Variants in TPD52L1 observed in about 807,000 individuals in gnomAD.
The protein encoded by TPD52L1 is TPD52 like 1.
In TPD52L1, 18 loss-of-function variants were observed where a neutral mutation model predicts 28.7. That is an observed-to-expected ratio of 0.63 (90% CI 0.43 to 0.93). TPD52L1 has a LOEUF of 0.93. Ranked by LOEUF, TPD52L1 falls within the 40% of genes least tolerant of loss-of-function variation. The pLI, the probability that TPD52L1 is intolerant of heterozygous loss-of-function variation, is 0.00. For synonymous variants in TPD52L1, 75 were observed against 88.8 expected, an observed-to-expected ratio of 0.84 and a Z score of 0.88; for missense variants, 203 against 254.8, an observed-to-expected ratio of 0.80 and a Z score of 1.39.
chr6:125,222,255 T>C (rs1021674033), intron 2 of TPD52L1, among the ~76,000 whole-genome samples: 1 of 152,234 alleles, frequency 6.6e-6, no homozygotes, highest in Non-Finnish European at 1.5e-5. Context: ...GCTGGCCTTA[T>C]GAAGAACTGA....
intron 1 of TPD52L1, among the ~76,000 whole-genome samples, chr6:125,172,550 A>ATG (rs1384586820): frequency 3.3e-5 from 3 of 90,872 alleles, no homozygotes; most frequent in East Asian, 5.8e-4. Context: ...ATATATATAT[A>ATG]TAATATATAT....
At chr6:125,202,284 T>C (rs1793841177) in intron 1 of TPD52L1, among the ~76,000 whole-genome samples, 1 of 152,248 alleles carries the variant, frequency 6.6e-6, no homozygotes, top group African/African-American at 2.4e-5. Flanking sequence ...TGAATATCTT[T>C]CATTGTCAAG....
intron 3 of TPD52L1, among the ~76,000 whole-genome samples, chr6:125,234,909 G>A (rs904638391): frequency 6.6e-6 from 1 of 151,826 alleles, no homozygotes; most frequent in Non-Finnish European, 1.5e-5. Context: ...CCTGAGCAGC[G>A]TGGTGAAACT....
intron 6 of TPD52L1, among the ~76,000 whole-genome samples, chr6:125,259,262 A>G (rs546007584): frequency 3.4e-4 from 52 of 152,352 alleles, no homozygotes; most frequent in Non-Finnish European, 4.6e-4. Context: ...ATAAGAAATC[A>G]TAGTCATATT....
chr6:125,221,527 A>G (rs1361466915), intron 2 of TPD52L1, among the ~76,000 whole-genome samples: 1 of 152,248 alleles, frequency 6.6e-6, no homozygotes, highest in African/African-American at 2.4e-5. Flanking sequence ...ACCAATTTCT[A>G]TAAAATGCCT....
At chr6:125,173,064 T>G (rs1326406015) in intron 1 of TPD52L1, among the ~76,000 whole-genome samples, 1 of 152,148 alleles carries the variant, frequency 6.6e-6, no homozygotes, top group African/African-American at 2.4e-5. Flanking sequence ...ACCAATTGGT[T>G]TATCGATCAA....
Position 125,178,654 on chromosome 6 carries a change from A to T in TPD52L1, c.19+24684A>T, listed in dbSNP as rs1313266157. On this transcript the variant is annotated intron_variant, in intron 1 of 6. Coordinates refer to ENST00000534000, the MANE Select transcript of TPD52L1 (RefSeq NM_003287.4). The stretch of plus-strand genomic sequence containing the variant: ...ACAAAACAAAACAAAACAAAACAAA[A>T]CAAAATATATATATATATATATTTG... Among the ~76,000 whole-genome samples the T allele has an allele frequency of 5.7e-3, 681 of 120,282 alleles. 9 individuals carry two copies. Among genetic ancestry groups the T allele is most frequent in the African/African-American group, 0.019 (634 of 33,816 alleles). The allele number at this position is 120,282 out of a possible 152,430, so 78.9% of individuals were successfully genotyped here.
chr6:125,208,707 T>C (rs1794321608), intron 1 of TPD52L1, among the ~76,000 whole-genome samples: 1 of 152,140 alleles, frequency 6.6e-6, no homozygotes, highest in Non-Finnish European at 1.5e-5. Flanking sequence ...CAAAACTGAT[T>C]TTCTATCATT....
chr6:125,192,737 C>T (rs149379332), intron 1 of TPD52L1, among the ~76,000 whole-genome samples: 1 of 152,182 alleles, frequency 6.6e-6, no homozygotes, highest in Non-Finnish European at 1.5e-5. Context: ...TGCATACGGT[C>T]GGCTTTGGTG....
chr6:125,212,412 A>G (rs1562294588), intron 1 of TPD52L1, among the ~76,000 whole-genome samples: 1 of 152,184 alleles, frequency 6.6e-6, no homozygotes, highest in Non-Finnish European at 1.5e-5. Flanking sequence ...ATGGCTACTG[A>G]TCCAAAATCA....
intron 1 of TPD52L1, among the ~76,000 whole-genome samples, chr6:125,164,889 A>G (rs995118617): frequency 2.4e-4 from 36 of 151,978 alleles, no homozygotes; most frequent in African/African-American, 7.7e-4. Flanking sequence ...ATGCAGGCAG[A>G]GGTTCACCAT....
intron 4 of TPD52L1, chr6:125,251,986 G>C: frequency 1.3e-6 from 2 of 1,535,916 alleles, no homozygotes; most frequent in Non-Finnish European, 1.7e-6. Flanking sequence ...TGCTAACTCT[G>C]CTCCTGCTCT....
At chr6:125,200,500 G>T (rs1313531072) in intron 1 of TPD52L1, among the ~76,000 whole-genome samples, 1 of 152,130 alleles carries the variant, frequency 6.6e-6, no homozygotes, top group East Asian at 1.9e-4. Flanking sequence ...AGTTATATAC[G>T]TGCTTATTGT....
intron 1 of TPD52L1, among the ~76,000 whole-genome samples, chr6:125,155,297 T>G (rs1790046119): frequency 6.6e-6 from 1 of 152,254 alleles, no homozygotes; most frequent in South Asian, 2.1e-4. Flanking sequence ...TTAGAATTAT[T>G]TAGAGAGTCT....
At chr6:125,173,209 T>A (rs1791609980) in intron 1 of TPD52L1, among the ~76,000 whole-genome samples, 1 of 152,170 alleles carries the variant, frequency 6.6e-6, no homozygotes, top group South Asian at 2.1e-4. Context: ...AAGTCCAACT[T>A]CCTATAAATC....
At chr6:125,202,178 C>T (rs1211932183) in intron 1 of TPD52L1, among the ~76,000 whole-genome samples, 1 of 152,150 alleles carries the variant, frequency 6.6e-6, no homozygotes, top group African/African-American at 2.4e-5. Context: ...GTAAAAATCT[C>T]AGGCCTGTCT....
chr6:125,225,994 C>A (rs1795582672), intron 2 of TPD52L1, among the ~76,000 whole-genome samples: 1 of 152,108 alleles, frequency 6.6e-6, no homozygotes, highest in South Asian at 2.1e-4. Context: ...TCAGCAGCAG[C>A]CTTTAAGGTA....
intron 1 of TPD52L1, among the ~76,000 whole-genome samples, chr6:125,160,556 C>A (rs1256270445): frequency 6.6e-6 from 1 of 152,040 alleles, no homozygotes; most frequent in Non-Finnish European, 1.5e-5. Flanking sequence ...GGCCTTAGAA[C>A]TTTTTGAATA....
intron 6 of TPD52L1, among the ~76,000 whole-genome samples, chr6:125,259,282 TGA>T (rs1797778255): frequency 6.6e-6 from 1 of 152,314 alleles, no homozygotes; most frequent in East Asian, 1.9e-4. Context: ...TTATGTCCTG[TGA>T]GAAAATAAGG....
Sources: allele counts gnomAD v4.1 joint callset (sites outside exome capture counted in the v4.1 genomes callset), GRCh38; gene constraint gnomAD v4.1.1; transcripts MANE v1.5; gene names NCBI Gene and HGNC (gene_info 2026-07-23, HGNC 2026-07-21).